The following DLGAP2 variants were observed in gnomAD, a reference collection of about 807,000 sequenced individuals.
DLGAP2 encodes the protein disks large-associated protein 2.
In DLGAP2, 26 loss-of-function variants were observed where a neutral mutation model predicts 100.3. The observed-to-expected ratio is 0.26, with a 90% confidence interval of 0.19 to 0.36. DLGAP2 has a LOEUF of 0.36. Ranked by LOEUF, DLGAP2 falls within the 10% of genes least tolerant of loss-of-function variation. The pLI is 1.00. For synonymous variants in DLGAP2, 886 were observed against 630.1 expected (o/e 1.41, Z -6.08); for missense variants, 1,858 against 1,453.2 (o/e 1.28, Z -4.53).
intron 2 of DLGAP2, among the ~76,000 whole-genome samples, chr8:956,644 C>T (rs776832995): frequency 2.0e-5 from 3 of 152,236 alleles, no homozygotes; most frequent in Non-Finnish European, 4.4e-5. Flanking sequence ...TTCCTACACC[C>T]ACATTCCATT....
chr8:1,278,466 T>A (rs1218900014), intron 3 of DLGAP2, among the ~76,000 whole-genome samples: 1 of 152,212 alleles, frequency 6.6e-6, no homozygotes, highest in African/African-American at 2.4e-5. Flanking sequence ...CCAATACAAT[T>A]AAATCCTTAT....
At chr8:1,521,855 T>A (rs78928535) in intron 4 of DLGAP2, among the ~76,000 whole-genome samples, 25 of 137,612 alleles carry the variant, frequency 1.8e-4, no homozygotes, top group African/African-American at 5.6e-4. Context: ...GGCAGGTGAT[T>A]TGGGGCGTCT....
At position 1,457,389 on chromosome 8, in the gene DLGAP2, C is replaced by G. The variant is rs1415338250; in HGVS notation, c.107-43977C>G. Among the ~76,000 whole-genome samples the G allele has an allele frequency of 2.0e-5, 3 of 152,158 alleles. No homozygotes were observed. In the East Asian group the frequency reaches 5.8e-4, roughly 29 times the overall value. ...GCTCTAAAATGAAACTCTGAGTTTTCCTGGAGGCTGTGTATGCCGTAAGAA... is the reference window on the plus strand; with the variant it reads ...GCTCTAAAATGAAACTCTGAGTTTTGCTGGAGGCTGTGTATGCCGTAAGAA... On this transcript the variant is annotated intron_variant, in intron 3 of 14. Coordinates refer to ENST00000637795, the MANE Select transcript of DLGAP2 (RefSeq NM_001346810.2).
intron 4 of DLGAP2, among the ~76,000 whole-genome samples, chr8:1,537,954 G>A (rs954537678): frequency 6.6e-6 from 1 of 152,176 alleles, no homozygotes; most frequent in Non-Finnish European, 1.5e-5. Context: ...GTGGCCATAA[G>A]TAAGGAGGTG....
chr8:1,512,581 G>T (rs113417583), intron 4 of DLGAP2, among the ~76,000 whole-genome samples: 3,904 of 152,148 alleles, frequency 0.026, 65 homozygotes, highest in Middle Eastern at 0.034. Flanking sequence ...ACAGCAGCCT[G>T]CCGCAGCAGC....
chr8:1,319,456 T>C (rs906847066), intron 3 of DLGAP2, among the ~76,000 whole-genome samples: 2 of 152,174 alleles, frequency 1.3e-5, no homozygotes, highest in Non-Finnish European at 2.9e-5. Flanking sequence ...GTCTTCCAGC[T>C]CTGCACCCTC....
chr8:1,662,741 C>T (rs545974587), intron 8 of DLGAP2, among the ~76,000 whole-genome samples: 4 of 152,390 alleles, frequency 2.6e-5, no homozygotes, highest in Non-Finnish European at 4.4e-5. Context: ...GTATAACGTG[C>T]TCCACAGAGT....
chr8:928,422 C>A (rs1035725954), intron 2 of DLGAP2, among the ~76,000 whole-genome samples: 3 of 152,074 alleles, frequency 2.0e-5, no homozygotes, highest in Non-Finnish European at 2.9e-5. Context: ...TTTACTGTGC[C>A]CTTAGTGTAT....
chr8:1,695,400 C>T (rs1239899759), intron 13 of DLGAP2, among the ~76,000 whole-genome samples: 1 of 143,952 alleles, frequency 6.9e-6, no homozygotes, highest in Non-Finnish European at 1.5e-5. Context: ...ACAGCCTTAC[C>T]CGGCCCTACA....
chr8:960,882 T>C (rs1040170410), intron 2 of DLGAP2, among the ~76,000 whole-genome samples: 1 of 152,238 alleles, frequency 6.6e-6, no homozygotes, highest in Non-Finnish European at 1.5e-5. Flanking sequence ...CCCAATAAAC[T>C]GATTGTAAAC....
At chr8:1,325,441 G>A (rs902952317) in intron 3 of DLGAP2, among the ~76,000 whole-genome samples, 2 of 152,220 alleles carry the variant, frequency 1.3e-5, no homozygotes, top group Non-Finnish European at 2.9e-5. Context: ...GCTGTAGCGC[G>A]TTTTTGAAGT....
chr8:1,354,233 CG>C (rs1263753815), intron 3 of DLGAP2, among the ~76,000 whole-genome samples: 1 of 152,170 alleles, frequency 6.6e-6, no homozygotes, highest in Non-Finnish European at 1.5e-5. Flanking sequence ...AGGCCAGGCA[CG>C]GTGGCTCAAA....
chr8:1,471,805 C>G (rs1420554403), intron 3 of DLGAP2, among the ~76,000 whole-genome samples: 2 of 152,184 alleles, frequency 1.3e-5, no homozygotes, highest in South Asian at 2.1e-4. Context: ...GTGGCTAAAG[C>G]TGGGTGAAAT....
chr8:1,571,080 A>G, intron 6 of DLGAP2, among the ~76,000 whole-genome samples: 2 of 112,584 alleles, frequency 1.8e-5, no homozygotes, highest in Non-Finnish European at 3.6e-5. Context: ...TGAGATGGGG[A>G]GGAGAGAGGG....
intron 6 of DLGAP2, among the ~76,000 whole-genome samples, chr8:1,609,496 C>A (rs1426899456): frequency 5.9e-5 from 8 of 136,638 alleles, no homozygotes; most frequent in Admixed American, 3.9e-4. Context: ...CGAGCAAAAT[C>A]ACCAGCTAAC....
At chr8:914,284 C>T (rs982111520) in intron 2 of DLGAP2, among the ~76,000 whole-genome samples, 4 of 152,186 alleles carry the variant, frequency 2.6e-5, no homozygotes, top group Admixed American at 1.3e-4. Flanking sequence ...AATGACCCAG[C>T]GCCACCTTCC....
rs1257866649 is a variant in DLGAP2 at position 1,681,238 on chromosome 8, C to T, written c.2704+2609C>T. Among the ~76,000 whole-genome samples the T allele has an allele frequency of 5.3e-5, 8 of 152,326 alleles. No individual in the cohort carries two copies. The East Asian group carries it at 1.5e-3, about 29-fold the overall frequency. ...ATTAGCCATTACTGTGTTGATAACA[C>T]AGAGACTACTTCTCCTGTCATCATT... On this transcript the variant is annotated intron_variant, in intron 12 of 14. Transcript: ENST00000637795.
chr8:1,324,811 A>C (rs1414356382), intron 3 of DLGAP2, among the ~76,000 whole-genome samples: 2 of 152,194 alleles, frequency 1.3e-5, no homozygotes, highest in Non-Finnish European at 2.9e-5. Context: ...ACAGCATCTA[A>C]AATGAAACTC....
At chr8:1,316,344 C>T (rs1250058994) in intron 3 of DLGAP2, among the ~76,000 whole-genome samples, 7 of 135,228 alleles carry the variant, frequency 5.2e-5, no homozygotes, top group African/African-American at 1.1e-4. Context: ...AGAGCCTGTG[C>T]GAGTGCAGCG....
Sources: gnomAD v4.1 joint callset for allele counts (sites outside exome capture counted in the v4.1 genomes callset) on GRCh38, gnomAD v4.1.1 for gene constraint, MANE v1.5 for transcripts, NCBI Gene and HGNC (gene_info 2026-07-23, HGNC 2026-07-21) for gene names.